Variants in PTPN14 observed in about 807,000 individuals in gnomAD.
PTPN14 encodes protein tyrosine phosphatase non-receptor type 14, also known as tyrosine-protein phosphatase non-receptor type 14.
PTPN14 carries 53 observed loss-of-function variants against 126.8 expected under a neutral mutation model. The ratio of observed to expected loss-of-function variants is 0.42; its 90% CI spans 0.34 to 0.53. PTPN14 has a LOEUF of 0.53. Ranked by LOEUF, PTPN14 falls within the 20% of genes least tolerant of loss-of-function variation. The pLI, the probability that PTPN14 is intolerant of heterozygous loss-of-function variation, is 0.08. For missense variants in PTPN14, 1,257 were observed against 1,552.9 expected, an observed-to-expected ratio of 0.81 and a Z score of 3.20; for synonymous variants, 630 against 599.3, an observed-to-expected ratio of 1.05 and a Z score of -0.75.
intron 3 of PTPN14, among the ~76,000 whole-genome samples, chr1:214,444,694 T>A (rs1317500835): frequency 2.0e-5 from 3 of 152,014 alleles, no homozygotes; most frequent in Non-Finnish European, 4.4e-5. Context: ...TACTGTAAGG[T>A]CACTTCCTGA....
rs767732097 is a variant in PTPN14 at position 214,518,299 on chromosome 1, G to A, written c.-155+32884C>T. Among the ~76,000 whole-genome samples the A allele has an allele frequency of 7.9e-5, 12 of 152,102 alleles. No homozygotes were observed. The South Asian group carries it at 1.5e-3, about 18-fold the overall frequency. ...ATATCCAAACCACTACTCTCTATTCGCCACTACTAATAAAAGAAACTCCCT... is the reference window on the plus strand; with the variant it reads ...ATATCCAAACCACTACTCTCTATTCACCACTACTAATAAAAGAAACTCCCT... On this transcript the variant is annotated intron_variant, in intron 1 of 18. Coordinates refer to ENST00000366956, the MANE Select transcript of PTPN14 (RefSeq NM_005401.5).
intron 1 of PTPN14, among the ~76,000 whole-genome samples, chr1:214,502,207 G>A (rs1318659204): frequency 6.6e-6 from 1 of 152,044 alleles, no homozygotes; most frequent in Non-Finnish European, 1.5e-5. Flanking sequence ...TGTTAAATAG[G>A]TGCTTCTAAG....
intron 3 of PTPN14, among the ~76,000 whole-genome samples, chr1:214,421,800 G>C (rs1036935219): frequency 2.6e-5 from 4 of 151,986 alleles, no homozygotes; most frequent in Non-Finnish European, 1.5e-5. Flanking sequence ...CCATTTCCTT[G>C]GTCTAACCAC....
In PTPN14 at chr1:214,349,552, A is replaced by T. The variant is rs1657663496; in HGVS notation, c.*8370T>A. On this transcript the variant is annotated 3_prime_UTR_variant, in exon 19 of 19. Coordinates refer to ENST00000366956, the MANE Select transcript of PTPN14 (RefSeq NM_005401.5). ...GAGCACAAGCCTAGTCCAGTGAAAC[A>T]AACTAGATTAGCTTGTTACTTGATG... 1 of 152,250 alleles carries T rather than the reference A, an allele frequency of 6.6e-6. No homozygotes were observed. Among genetic ancestry groups the T allele is most frequent in the Non-Finnish European group, 1.5e-5 (1 of 68,044 alleles). The allele number at this position is 152,250 out of a possible 1,614,324, so 9.4% of individuals were successfully genotyped here.
chr1:214,359,245 A>G (rs1331607390), intron 18 of PTPN14, among the ~76,000 whole-genome samples: 3 of 142,398 alleles, frequency 2.1e-5, no homozygotes, highest in African/African-American at 7.9e-5. Flanking sequence ...ACGGAGTCTC[A>G]CTCTGTCTCC....
chr1:214,359,679 C>T (rs1465289017), intron 18 of PTPN14, among the ~76,000 whole-genome samples: 1 of 151,950 alleles, frequency 6.6e-6, no homozygotes, highest in Admixed American at 6.6e-5. Context: ...ACCACCACAC[C>T]CGGCTAACTT....
intron 3 of PTPN14, among the ~76,000 whole-genome samples, chr1:214,434,758 T>C (rs551400660): frequency 3.3e-5 from 5 of 152,158 alleles, no homozygotes; most frequent in African/African-American, 9.6e-5. Context: ...GAGAGCAGAA[T>C]AGGGAGTCGG....
chr1:214,481,318 C>T (rs907508696), intron 1 of PTPN14, among the ~76,000 whole-genome samples: 1 of 151,610 alleles, frequency 6.6e-6, no homozygotes, highest in Admixed American at 6.6e-5. Context: ...ACCACCATGG[C>T]CAACATGGTG....
chr1:214,376,114 A>T (rs1209233795), intron 15 of PTPN14, 105 bp downstream of exon 15: 10 of 1,071,278 alleles, frequency 9.3e-6, no homozygotes, highest in Non-Finnish European at 1.3e-6. Context: ...GGGTCTGGGG[A>T]CAAGCCAAAA....
chr1:214,461,427 G>A (rs930055930), intron 2 of PTPN14, among the ~76,000 whole-genome samples: 1 of 152,100 alleles, frequency 6.6e-6, no homozygotes, highest in African/African-American at 2.4e-5. Flanking sequence ...GAGCCCAGGA[G>A]TTTGAGACCA....
At chr1:214,500,175 T>C (rs916716606) in intron 1 of PTPN14, among the ~76,000 whole-genome samples, 2 of 151,920 alleles carry the variant, frequency 1.3e-5, no homozygotes, top group African/African-American at 4.8e-5. Flanking sequence ...TCCAGAAAAA[T>C]ATTCCCCCAA....
intron 1 of PTPN14, among the ~76,000 whole-genome samples, chr1:214,501,294 T>C (rs1401517859): frequency 6.6e-6 from 1 of 152,154 alleles, no homozygotes; most frequent in Non-Finnish European, 1.5e-5. Context: ...CAGACTGCAG[T>C]CCAGTGGCAC....
chr1:214,523,114 CATT>C (rs1223993536), intron 1 of PTPN14, among the ~76,000 whole-genome samples: 2 of 152,294 alleles, frequency 1.3e-5, no homozygotes, highest in Non-Finnish European at 2.9e-5. Context: ...ACAATCCTTA[CATT>C]GTCACAATAT....
chr1:214,471,289 C>G (rs935567865), intron 1 of PTPN14, among the ~76,000 whole-genome samples: 2 of 152,176 alleles, frequency 1.3e-5, no homozygotes, highest in Middle Eastern at 3.4e-3. Context: ...CTGAGGGGTT[C>G]TAAGAACCAA....
intron 3 of PTPN14, among the ~76,000 whole-genome samples, chr1:214,428,973 A>C (rs1422243225): frequency 6.6e-6 from 1 of 152,218 alleles, no homozygotes; most frequent in African/African-American, 2.4e-5. Flanking sequence ...CTGCCATCTG[A>C]AGTTTCTTGT....
intron 1 of PTPN14, among the ~76,000 whole-genome samples, chr1:214,486,604 C>T (rs1429475941): frequency 6.6e-6 from 1 of 152,094 alleles, no homozygotes; most frequent in Non-Finnish European, 1.5e-5. Context: ...TGCTAGACTA[C>T]CCAGGGCCCA....
intron 1 of PTPN14, among the ~76,000 whole-genome samples, chr1:214,488,900 A>G (rs564163093): frequency 6.6e-6 from 1 of 152,360 alleles, no homozygotes; most frequent in South Asian, 2.1e-4. Flanking sequence ...ATGTTGCAAT[A>G]CATTTCATCA....
At chr1:214,485,579 G>A (rs888653763) in intron 1 of PTPN14, among the ~76,000 whole-genome samples, 1 of 152,178 alleles carries the variant, frequency 6.6e-6, no homozygotes, top group Non-Finnish European at 1.5e-5. Context: ...TAAATTCAAA[G>A]TACAACTGAC....
intron 1 of PTPN14, among the ~76,000 whole-genome samples, chr1:214,512,273 CT>C (rs1654995552): frequency 6.6e-6 from 1 of 152,166 alleles, no homozygotes; most frequent in African/African-American, 2.4e-5. Flanking sequence ...CCTACCTCAC[CT>C]TTCCTAAGGA....
Sources: allele counts gnomAD v4.1 joint callset (sites outside exome capture counted in the v4.1 genomes callset), GRCh38; gene constraint gnomAD v4.1.1; transcripts MANE v1.5; gene names NCBI Gene and HGNC (gene_info 2026-07-23, HGNC 2026-07-21).